TRABD2A: variants seen among roughly 807,000 people sequenced by gnomAD.
The protein encoded by TRABD2A is TraB domain containing 2A.
A neutral mutation model predicts 45.6 loss-of-function variants in TRABD2A; 43 were observed. That is an observed-to-expected ratio of 0.94 (90% CI 0.74 to 1.22). The LOEUF (loss-of-function observed/expected upper bound fraction) is 1.22, where lower values mean the gene tolerates loss of function less well. Among genes scored for constraint, TRABD2A ranks in the 50% most tolerant of loss-of-function variants. The probability of loss-of-function intolerance (pLI) is 0.00; values close to 1 mark genes in which losing one functional copy is unlikely to be tolerated. For missense variants in TRABD2A, 642 were observed against 652.4 expected, an observed-to-expected ratio of 0.98 and a Z score of 0.17; for synonymous variants, 269 against 265.0, an observed-to-expected ratio of 1.02 and a Z score of -0.15.
At chr2:84,856,501 G>A (rs1025333364) in intron 2 of TRABD2A, among the ~76,000 whole-genome samples, 3 of 152,044 alleles carry the variant, frequency 2.0e-5, no homozygotes, top group African/African-American at 7.2e-5. Flanking sequence ...GCAGGGAAGC[G>A]CTTCTCAAAA....
intron 2 of TRABD2A, among the ~76,000 whole-genome samples, chr2:84,866,332 T>A (rs1377433982): frequency 6.6e-6 from 1 of 152,208 alleles, no homozygotes; most frequent in Non-Finnish European, 1.5e-5. Context: ...TATTTCTCAA[T>A]TTTTAAATAT....
intron 3 of TRABD2A, among the ~76,000 whole-genome samples, chr2:84,840,824 C>CT (rs969915069): frequency 6.6e-6 from 1 of 152,138 alleles, no homozygotes; most frequent in East Asian, 1.9e-4. Context: ...CTCAATTTGA[C>CT]TTTTTTTTCC....
intron 2 of TRABD2A, among the ~76,000 whole-genome samples, chr2:84,860,892 G>T (rs1682473437): frequency 6.6e-6 from 1 of 152,236 alleles, no homozygotes; most frequent in South Asian, 2.1e-4. Context: ...GAAGCCAGAT[G>T]TAGGCCACAT....
chr2:84,870,509 A>G lies in TRABD2A; in HGVS notation c.385T>C (p.Tyr129His), dbSNP rs574481991. 7.4e-6 allele frequency: 12 copies of G among 1,613,766 alleles called. No homozygotes were observed. In the South Asian group the frequency reaches 8.8e-5, roughly 12 times the overall value. Reference protein sequence around the residue: ...IYCRLKRHLEYVKLMMPLWMT... With the variant: ...IYCRLKRHLEHVKLMMPLWMT... ...CACAAGGGCATCATGAGCTTGACAT[A>G]CTCCAGGTGGCGCTTGAGGCGGCAG... is the stretch of plus-strand genomic sequence containing the variant. The change falls in exon 2 of 7, where the codon TAT (tyrosine) becomes CAT (histidine). Residue 129 changes from tyrosine (Y) to histidine (H), a missense_variant. Coordinates refer to ENST00000409520, the MANE Select transcript of TRABD2A (RefSeq NM_001277053.2).
intron 1 of TRABD2A, among the ~76,000 whole-genome samples, chr2:84,879,210 G>A (rs190156200): frequency 6.7e-6 from 1 of 148,980 alleles, no homozygotes; most frequent in Non-Finnish European, 1.5e-5. Context: ...TGGATATAGG[G>A]TCTCGCTCTT....
chr2:84,879,710 G>A, intron 1 of TRABD2A: 3 of 615,150 alleles, frequency 4.9e-6, no homozygotes, highest in Non-Finnish European at 6.1e-6. Context: ...CCGCAACAGA[G>A]TTTGAAACCA....
chr2:84,866,606 A>G (rs942396338), intron 2 of TRABD2A, among the ~76,000 whole-genome samples: 1 of 152,080 alleles, frequency 6.6e-6, no homozygotes, highest in Non-Finnish European at 1.5e-5. Flanking sequence ...ATCAGTGAGG[A>G]CTGTCTCATG....
chr2:84,867,386 A>G (rs1162406125), intron 2 of TRABD2A, among the ~76,000 whole-genome samples: 1 of 152,230 alleles, frequency 6.6e-6, no homozygotes, highest in Non-Finnish European at 1.5e-5. Context: ...AGCCATATGT[A>G]GAAAGCTGAA....
At chr2:84,828,980 A>G (rs1681231030) in intron 5 of TRABD2A, among the ~76,000 whole-genome samples, 1 of 152,060 alleles carries the variant, frequency 6.6e-6, no homozygotes, top group Non-Finnish European at 1.5e-5. Context: ...TGCACGAACA[A>G]AGACAGAGGC....
chr2:84,849,947 A>T (rs1682026762), intron 2 of TRABD2A, among the ~76,000 whole-genome samples: 2 of 152,240 alleles, frequency 1.3e-5, no homozygotes, highest in African/African-American at 2.4e-5. Context: ...CCAAAGAAAC[A>T]TAAGCCTTTC....
At chr2:84,870,818 T>C in intron 1 of TRABD2A, 33 bp from the exon 2 acceptor site, 1 of 1,517,854 alleles carries the variant, frequency 6.6e-7, no homozygotes, top group Non-Finnish European at 8.9e-7. Context: ...CAAGGTATAA[T>C]ATGGGGGAGA....
At chr2:84,870,821 G>C (rs1356310242) in intron 1 of TRABD2A, 36 bp from the exon 2 acceptor site, 2 of 1,508,150 alleles carry the variant, frequency 1.3e-6, no homozygotes, top group Non-Finnish European at 1.8e-6. Context: ...GGTATAATAT[G>C]GGGGAGAGGC....
At chr2:84,861,498 C>G (rs1196127682) in intron 2 of TRABD2A, among the ~76,000 whole-genome samples, 10 of 152,080 alleles carry the variant, frequency 6.6e-5, no homozygotes, top group Non-Finnish European at 2.9e-5. Flanking sequence ...ACTGATCTGA[C>G]AGGAGGAGGA....
intron 2 of TRABD2A, among the ~76,000 whole-genome samples, chr2:84,865,357 A>G (rs1006011234): frequency 2.6e-5 from 4 of 152,270 alleles, no homozygotes; most frequent in Admixed American, 6.5e-5. Flanking sequence ...ATCTATTGGC[A>G]AGAGTAAACA....
At chr2:84,838,118 A>T in intron 4 of TRABD2A, 2 of 669,094 alleles carry the variant, frequency 3.0e-6, no homozygotes, top group South Asian at 3.3e-5. Flanking sequence ...AATAGTGATG[A>T]TTCTTTAAGG....
At chr2:84,823,117 T>G (rs906320372) in intron 6 of TRABD2A, among the ~76,000 whole-genome samples, 3 of 152,162 alleles carry the variant, frequency 2.0e-5, no homozygotes, top group African/African-American at 7.2e-5. Flanking sequence ...ATTCACAAGG[T>G]TCCACTTTGG....
At chr2:84,878,632 G>C (rs549633016) in intron 1 of TRABD2A, among the ~76,000 whole-genome samples, 1 of 151,880 alleles carries the variant, frequency 6.6e-6, no homozygotes, top group South Asian at 2.1e-4. Context: ...AAACCCTGCA[G>C]TGTCTAGGGG....
rs938014473 is a variant in TRABD2A at position 84,873,482 on chromosome 2, G to A, written c.109-2697C>T. ...GAAGTAATATTAACAGATGAATCAC[G>A]TACAGGGTCCCCATCCCCTAGGCAT... On this transcript the variant is annotated intron_variant, in intron 1 of 6. Coordinates refer to ENST00000409520, the MANE Select transcript of TRABD2A (RefSeq NM_001277053.2). Among the ~76,000 whole-genome samples, 8 of 152,212 alleles carry A rather than the reference G, an allele frequency of 5.3e-5. No individual in the cohort carries two copies. In the South Asian group the frequency reaches 1.2e-3, roughly 24 times the overall value.
At chr2:84,880,893 CAG>C in intron 1 of TRABD2A, 37 bp downstream of exon 1, 2 of 1,557,774 alleles carry the variant, frequency 1.3e-6, no homozygotes, top group Non-Finnish European at 1.7e-6. Flanking sequence ...CAAGGAGGTG[CAG>C]AGAGGCCGGC....
Sources: gnomAD v4.1 joint callset for allele counts (sites outside exome capture counted in the v4.1 genomes callset) on GRCh38, gnomAD v4.1.1 for gene constraint, MANE v1.5 for transcripts, NCBI Gene and HGNC (gene_info 2026-07-23, HGNC 2026-07-21) for gene names.